KCNK1: variants seen among roughly 807,000 people sequenced by gnomAD.
KCNK1 encodes potassium channel subfamily K member 1.
Under a neutral mutation model 22.2 loss-of-function variants are expected in KCNK1, and 10 were observed. That is an observed-to-expected ratio of 0.45 (90% CI 0.28 to 0.76). The LOEUF (loss-of-function observed/expected upper bound fraction) is 0.76. Ranked by LOEUF, KCNK1 falls within the 30% of genes least tolerant of loss-of-function variation. The pLI is 0.14. For synonymous variants in KCNK1, 200 were observed against 186.4 expected (o/e 1.07, Z -0.60); for missense variants, 378 against 421.0 (o/e 0.90, Z 0.89).
At chr1:233,625,047 T>C (rs1657663423) in intron 1 of KCNK1, among the ~76,000 whole-genome samples, 1 of 152,198 alleles carries the variant, frequency 6.6e-6, no homozygotes, top group Admixed American at 6.5e-5. Flanking sequence ...AAAAGGCATA[T>C]ACAGTTGCTT....
At chr1:233,620,397 G>A (rs1358246156) in intron 1 of KCNK1, among the ~76,000 whole-genome samples, 1 of 152,202 alleles carries the variant, frequency 6.6e-6, no homozygotes, top group Non-Finnish European at 1.5e-5. Flanking sequence ...TCTTTGTGCT[G>A]TTGTTCTAAG....
chr1:233,646,978 C>T (rs370815986), intron 1 of KCNK1, among the ~76,000 whole-genome samples: 1 of 152,082 alleles, frequency 6.6e-6, no homozygotes, highest in Non-Finnish European at 1.5e-5. Context: ...CCACCAAACT[C>T]GAAGCAGTGA....
At chr1:233,615,621 G>A (rs1390240007) in intron 1 of KCNK1, among the ~76,000 whole-genome samples, 1 of 152,154 alleles carries the variant, frequency 6.6e-6, no homozygotes, top group Non-Finnish European at 1.5e-5. Context: ...GTGTCGTCCT[G>A]GAACCTGGGC....
In KCNK1 at chr1:233,671,774, A is replaced by C; in HGVS notation, c.*244A>C. On this transcript the variant is annotated 3_prime_UTR_variant, in exon 3 of 3. Coordinates refer to ENST00000366621, the MANE Select transcript of KCNK1 (RefSeq NM_002245.4). ...CCACCTAAAATTCATATGTGACAAA[A>C]TTATCTCGACCTTACATAGGAGGAG... is the stretch of plus-strand genomic sequence containing the variant. The C allele has an allele frequency of 1.9e-6, 1 of 529,812 alleles. No homozygotes were observed. The allele number at this position is 529,812 out of a possible 1,614,324, so 32.8% of individuals were successfully genotyped here. A position where few individuals can be genotyped will look rare whatever the true frequency, so the allele number is the denominator to read the frequency against.
At chr1:233,620,098 G>C (rs181456167) in intron 1 of KCNK1, among the ~76,000 whole-genome samples, 3 of 152,192 alleles carry the variant, frequency 2.0e-5, no homozygotes, top group African/African-American at 7.2e-5. Context: ...TTCTGACACA[G>C]TCAAGTTTTA....
intron 2 of KCNK1, among the ~76,000 whole-genome samples, chr1:233,667,691 C>T (rs1269796368): frequency 2.1e-4 from 28 of 133,996 alleles, no homozygotes; most frequent in Admixed American, 3.5e-4. Flanking sequence ...GATCGCGCCA[C>T]TGCACTCCAG....
chr1:233,671,179 C>A, intron 2 of KCNK1, 92 bp from the exon 3 acceptor site: 1 of 1,157,366 alleles, frequency 8.6e-7, no homozygotes. Flanking sequence ...TTAACAAACA[C>A]TGTGTTGGCA....
intron 1 of KCNK1, among the ~76,000 whole-genome samples, chr1:233,659,747 A>G (rs1385430264): frequency 1.3e-5 from 2 of 152,076 alleles, no homozygotes; most frequent in Non-Finnish European, 2.9e-5. Flanking sequence ...TGATGGGACC[A>G]CTGTCATATA....
rs201802787 is a variant in KCNK1, at chr1:233,671,001, AT to A, written c.752-260del. Reference sequence around the variant, plus strand: ...TAATAATGCCACATCAGCCCCAAGTATTTTTTTTTTCTCAAAAATTGCAGCC... The same window carrying A: ...TAATAATGCCACATCAGCCCCAAGTATTTTTTTTTCTCAAAAATTGCAGCC... On this transcript the variant is annotated intron_variant, in intron 2 of 2. Transcript: ENST00000366621. 6.9e-4 allele frequency among the ~76,000 whole-genome samples: 104 copies of A among 150,402 alleles called. 2 individuals are homozygous for A. The highest frequency in any genetic ancestry group is 1.0e-3 in the African/African-American group (42 of 41,024).
rs58722587 is a variant in KCNK1 at position 233,628,760 on chromosome 1, A to AAATAATAATAATAAT, written c.355+14243_355+14257dup. On this transcript the variant is annotated intron_variant, in intron 1 of 2. Coordinates refer to ENST00000366621, the MANE Select transcript of KCNK1 (RefSeq NM_002245.4). ...GGGCAACAGAGCAAGACTCTGTCTCAAATAATAATAATAATAATAATAAAT... is the reference window on the plus strand; with the variant it reads ...GGGCAACAGAGCAAGACTCTGTCTCAAATAATAATAATAATAATAATAATAATAATAATAATAAAT... Among the ~76,000 whole-genome samples the AAATAATAATAATAAT allele has an allele frequency of 4.7e-3, 700 of 148,792 alleles. 11 individuals carry two copies. Among genetic ancestry groups the AAATAATAATAATAAT allele is most frequent in the African/African-American group, 0.016 (633 of 38,882 alleles).
intron 1 of KCNK1, among the ~76,000 whole-genome samples, chr1:233,638,803 T>C (rs903160365): frequency 1.3e-5 from 2 of 152,054 alleles, no homozygotes; most frequent in African/African-American, 4.8e-5. Flanking sequence ...TGCCAGAGAG[T>C]AATATTTTTG....
At chr1:233,621,298 A>G (rs1222213717) in intron 1 of KCNK1, among the ~76,000 whole-genome samples, 1 of 152,218 alleles carries the variant, frequency 6.6e-6, no homozygotes, top group East Asian at 1.9e-4. Flanking sequence ...TTGATCTTGA[A>G]CTTGAAGCCT....
intron 1 of KCNK1, among the ~76,000 whole-genome samples, chr1:233,626,849 T>C (rs1352601529): frequency 6.6e-6 from 1 of 152,214 alleles, no homozygotes; most frequent in Non-Finnish European, 1.5e-5. Flanking sequence ...GTAGGATATT[T>C]AGTATTTGAT....
chr1:233,645,782 ATAAAT>A (rs1257087026), intron 1 of KCNK1, among the ~76,000 whole-genome samples: 1 of 152,210 alleles, frequency 6.6e-6, no homozygotes, highest in Non-Finnish European at 1.5e-5. Flanking sequence ...ACAGAAGCTG[ATAAAT>A]TAATCCAAGA....
At chr1:233,617,152 G>A (rs1657501450) in intron 1 of KCNK1, among the ~76,000 whole-genome samples, 1 of 151,902 alleles carries the variant, frequency 6.6e-6, no homozygotes. Flanking sequence ...TATTCAGAAT[G>A]CTAACAATGA....
intron 1 of KCNK1, among the ~76,000 whole-genome samples, chr1:233,619,943 G>A (rs1013163693): frequency 3.3e-5 from 5 of 150,874 alleles, no homozygotes; most frequent in East Asian, 2.0e-4. Flanking sequence ...GGGGGGGCAG[G>A]GGGGTGAAGA....
chr1:233,642,806 T>C (rs1358132858), intron 1 of KCNK1, among the ~76,000 whole-genome samples: 1 of 151,730 alleles, frequency 6.6e-6, no homozygotes, highest in Non-Finnish European at 1.5e-5. Flanking sequence ...TCTCACTCTG[T>C]CACCCAGGCT....
At chr1:233,655,659 G>GTGAA (rs1658278564) in intron 1 of KCNK1, 1 of 152,178 alleles carries the variant, frequency 6.6e-6, no homozygotes, top group Admixed American at 6.5e-5. Flanking sequence ...AATGAGACTC[G>GTGAA]TGCCTTTATA....
At chr1:233,648,846 C>T (rs1460377564) in intron 1 of KCNK1, among the ~76,000 whole-genome samples, 2 of 152,140 alleles carry the variant, frequency 1.3e-5, no homozygotes, top group East Asian at 3.9e-4. Flanking sequence ...GGATTATAGG[C>T]GTGAACCACC....
Sources: allele counts gnomAD v4.1 joint callset (sites outside exome capture counted in the v4.1 genomes callset), GRCh38; gene constraint gnomAD v4.1.1; transcripts MANE v1.5; gene names NCBI Gene and HGNC (gene_info 2026-07-23, HGNC 2026-07-21).